KLHL32: variants seen among roughly 807,000 people sequenced by gnomAD.
The protein encoded by KLHL32 is kelch like family member 32.
Under a neutral mutation model 64.8 loss-of-function variants are expected in KLHL32, and 35 were observed. The observed-to-expected ratio is 0.54, with a 90% CI of 0.41 to 0.72. The LOEUF is 0.72. Ranked by LOEUF, KLHL32 falls within the 30% of genes least tolerant of loss-of-function variation. The pLI, the probability that KLHL32 is intolerant of heterozygous loss-of-function variation, is 0.00. For synonymous variants in KLHL32, 259 were observed against 281.0 expected (o/e 0.92, Z 0.78); for missense variants, 589 against 768.5 (o/e 0.77, Z 2.76).
intron 4 of KLHL32, among the ~76,000 whole-genome samples, chr6:97,061,430 G>A (rs188430778): frequency 8.1e-6 from 1 of 122,940 alleles, no homozygotes; most frequent in Non-Finnish European, 1.6e-5. Flanking sequence ...AAGACATTTT[G>A]TCTTGTCCAC....
At chr6:96,969,919 C>T (rs969262370) in intron 2 of KLHL32, among the ~76,000 whole-genome samples, 1 of 152,164 alleles carries the variant, frequency 6.6e-6, no homozygotes, top group African/African-American at 2.4e-5. Context: ...TGTCCCAAAC[C>T]AAATTCATCA....
At chr6:97,071,589 G>A (rs1790725094) in intron 5 of KLHL32, among the ~76,000 whole-genome samples, 1 of 152,036 alleles carries the variant, frequency 6.6e-6, no homozygotes, top group Non-Finnish European at 1.5e-5. Flanking sequence ...GCCACATGCT[G>A]CCCAAATTCG....
At chr6:97,078,155 C>T (rs1474157128) in intron 5 of KLHL32, among the ~76,000 whole-genome samples, 5 of 152,114 alleles carry the variant, frequency 3.3e-5, no homozygotes, top group East Asian at 1.9e-4. Context: ...AGAGTGGTTT[C>T]TCAGGCTGTT....
chr6:96,988,654 C>T (rs560289930), intron 3 of KLHL32, among the ~76,000 whole-genome samples: 39 of 152,298 alleles, frequency 2.6e-4, no homozygotes, highest in Admixed American at 5.9e-4. Context: ...TACATGCACA[C>T]GTATGTTTAT....
At chr6:96,965,328 T>C (rs959390507) in intron 1 of KLHL32, among the ~76,000 whole-genome samples, 15 of 152,208 alleles carry the variant, frequency 9.9e-5, no homozygotes, top group African/African-American at 3.4e-4. Flanking sequence ...CGGATTATGA[T>C]TCAACAATTT....
chr6:96,955,562 A>G (rs1011863181), intron 1 of KLHL32, among the ~76,000 whole-genome samples: 2 of 152,206 alleles, frequency 1.3e-5, no homozygotes, highest in African/African-American at 4.8e-5. Flanking sequence ...CATTCAGTGC[A>G]AACATTTGAA....
intron 3 of KLHL32, among the ~76,000 whole-genome samples, chr6:97,033,923 TG>T (rs1347279971): frequency 5.3e-5 from 8 of 152,152 alleles, no homozygotes; most frequent in Non-Finnish European, 1.2e-4. Flanking sequence ...TTAAATATTT[TG>T]GATATTAACC....
chr6:96,995,525 C>G (rs6924486), intron 3 of KLHL32, among the ~76,000 whole-genome samples: 37,237 of 152,046 alleles, frequency 0.24, 5,890 homozygotes, highest in East Asian at 0.53. Context: ...TACCAGGCTC[C>G]AGGAGTGGCT....
chr6:97,070,379 A>G (rs1394806560), intron 5 of KLHL32, among the ~76,000 whole-genome samples: 1 of 152,182 alleles, frequency 6.6e-6, no homozygotes, highest in Non-Finnish European at 1.5e-5. Context: ...AGAATATCAT[A>G]TTTGCCAAAT....
intron 4 of KLHL32, among the ~76,000 whole-genome samples, chr6:97,053,097 C>T (rs1787208363): frequency 1.3e-5 from 2 of 152,096 alleles, no homozygotes; most frequent in African/African-American, 4.8e-5. Context: ...CACACACACA[C>T]ACACACGCAC....
the KLHL32 span, among the ~76,000 whole-genome samples, chr6:96,912,922 G>C: frequency 6.6e-6 from 1 of 152,152 alleles, no homozygotes; most frequent in Non-Finnish European, 1.5e-5. Flanking sequence ...AGCCCTGTGG[G>C]AGAAGGAACC....
At chr6:97,092,758 G>A (rs1371184630) in intron 6 of KLHL32, among the ~76,000 whole-genome samples, 2 of 152,116 alleles carry the variant, frequency 1.3e-5, no homozygotes, top group Non-Finnish European at 2.9e-5. Context: ...AGCTTGACTC[G>A]TGGCTTTGCT....
intron 1 of KLHL32, among the ~76,000 whole-genome samples, chr6:96,953,638 A>G (rs1288254974): frequency 2.6e-5 from 4 of 152,098 alleles, no homozygotes; most frequent in Non-Finnish European, 5.9e-5. Context: ...TCAAAAAAAA[A>G]AAAGAAAATT....
intron 7 of KLHL32, among the ~76,000 whole-genome samples, chr6:97,115,216 A>G (rs746346135): frequency 6.6e-5 from 10 of 152,158 alleles, no homozygotes; most frequent in Non-Finnish European, 1.3e-4. Flanking sequence ...GGGTTTCACT[A>G]CATTGCCCAG....
the KLHL32 span, among the ~76,000 whole-genome samples, chr6:96,912,916 C>T: frequency 6.6e-6 from 1 of 152,306 alleles, no homozygotes; most frequent in South Asian, 2.1e-4. Flanking sequence ...CCTGTAAGCC[C>T]TGTGGGAGAA....
At chr6:96,996,753 G>T (rs1778461287) in intron 3 of KLHL32, among the ~76,000 whole-genome samples, 1 of 152,004 alleles carries the variant, frequency 6.6e-6, no homozygotes, top group South Asian at 2.1e-4. Context: ...AGCACTTACT[G>T]TTCTCAGGCA....
intron 5 of KLHL32, among the ~76,000 whole-genome samples, chr6:97,066,884 T>A (rs1213641354): frequency 6.6e-6 from 1 of 152,212 alleles, no homozygotes; most frequent in East Asian, 1.9e-4. Flanking sequence ...AAAAATAATA[T>A]TTTATTAATG....
chr6:97,083,325 G>A (rs1792872744), intron 5 of KLHL32, among the ~76,000 whole-genome samples: 1 of 151,948 alleles, frequency 6.6e-6, no homozygotes, highest in African/African-American at 2.4e-5. Flanking sequence ...GGGAAGCAGA[G>A]GTTGCAGTGA....
At chr6:97,111,165 G>T (rs1340825155) in intron 6 of KLHL32, among the ~76,000 whole-genome samples, 1 of 152,166 alleles carries the variant, frequency 6.6e-6, no homozygotes, top group Non-Finnish European at 1.5e-5. Context: ...GTCCCACATG[G>T]TGGCTAAGCC....
Sources: allele counts gnomAD v4.1 joint callset (sites outside exome capture counted in the v4.1 genomes callset), GRCh38; gene constraint gnomAD v4.1.1; transcripts MANE v1.5; gene names NCBI Gene and HGNC (gene_info 2026-07-23, HGNC 2026-07-21).